AP3B1: variants seen among roughly 807,000 people sequenced by gnomAD.
AP3B1 encodes AP-3 complex subunit beta-1.
Under a neutral mutation model 132.5 loss-of-function variants are expected in AP3B1, and 61 were observed. The ratio of observed to expected loss-of-function variants is 0.46; its 90% CI spans 0.37 to 0.57. AP3B1 has a LOEUF of 0.57. AP3B1 is among the 20% of genes least tolerant of loss of function. AP3B1 has a pLI of 0.00. For synonymous variants in AP3B1, 388 were observed against 438.3 expected, an observed-to-expected ratio of 0.89 and a Z score of 1.43; for missense variants, 1,120 against 1,289.4, an observed-to-expected ratio of 0.87 and a Z score of 2.01.
At chr5:78,134,570 C>G (rs532226421) in intron 15 of AP3B1, among the ~76,000 whole-genome samples, 3 of 152,062 alleles carry the variant, frequency 2.0e-5, no homozygotes, top group Non-Finnish European at 4.4e-5. Flanking sequence ...GATGGAGTTT[C>G]GCTCTGGTTG....
intron 1 of AP3B1, 65 bp downstream of exon 1, chr5:78,294,387 G>A (rs1580606809): frequency 6.2e-7 from 1 of 1,610,172 alleles, no homozygotes; most frequent in East Asian, 2.2e-5. Flanking sequence ...GCCCACCCTG[G>A]CGCCCACTCC....
chr5:78,168,026 A>T (rs1252480795), intron 11 of AP3B1, among the ~76,000 whole-genome samples: 3 of 151,444 alleles, frequency 2.0e-5, no homozygotes, highest in African/African-American at 4.8e-5. Flanking sequence ...AAAAAAAAAA[A>T]AACAAAAAAA....
Position 78,294,665 on chromosome 5 carries a change from G to C in AP3B1, c.-86C>G, listed in dbSNP as rs1245671773. On this transcript the variant is annotated 5_prime_UTR_variant, in exon 1 of 27. Coordinates refer to ENST00000255194, the MANE Select transcript of AP3B1 (RefSeq NM_003664.5). ...GTCCAGAGGGCACGGAACAAAACTA[G>C]TTCTCGTACGGAGGAGCGCGCGCAG... The C allele has an allele frequency of 1.9e-6, 3 of 1,599,702 alleles. No individual in the cohort carries two copies. Among genetic ancestry groups the C allele is most frequent in the Non-Finnish European group, 2.6e-6 (3 of 1,174,396 alleles).
intron 1 of AP3B1, among the ~76,000 whole-genome samples, chr5:78,280,290 C>T (rs761079809): frequency 6.6e-6 from 1 of 152,080 alleles, no homozygotes; most frequent in Non-Finnish European, 1.5e-5. Flanking sequence ...TCTAAAACAT[C>T]TGTGATACAC....
intron 2 of AP3B1, among the ~76,000 whole-genome samples, chr5:78,258,585 T>C (rs567962847): frequency 2.1e-4 from 32 of 152,286 alleles, no homozygotes; most frequent in African/African-American, 7.0e-4. Context: ...CTGCACACTG[T>C]TGGTGGGAAT....
chr5:78,229,579 A>C (rs557367211), intron 3 of AP3B1, among the ~76,000 whole-genome samples: 56 of 151,196 alleles, frequency 3.7e-4, no homozygotes, highest in East Asian at 2.1e-3. Flanking sequence ...GTAAAACAAA[A>C]AAAAAAAAAA....
At chr5:78,134,596 A>G (rs1354776451) in intron 15 of AP3B1, among the ~76,000 whole-genome samples, 1 of 152,162 alleles carries the variant, frequency 6.6e-6, no homozygotes, top group Non-Finnish European at 1.5e-5. Flanking sequence ...GCTGGAGTGC[A>G]ATGGCGCGAT....
At chr5:78,178,974 T>C (rs1282151847) in intron 8 of AP3B1, among the ~76,000 whole-genome samples, 2 of 152,236 alleles carry the variant, frequency 1.3e-5, no homozygotes, top group African/African-American at 4.8e-5. Flanking sequence ...CCATTTCTTG[T>C]ACTTTCTTAC....
In AP3B1 at chr5:78,046,363, C is replaced by T. The variant is rs558239754; in HGVS notation, c.2578-7089G>A. Among the ~76,000 whole-genome samples, 111 of 152,308 alleles carry T rather than the reference C, an allele frequency of 7.3e-4. 1 individual carries two copies. Among genetic ancestry groups the T allele is most frequent in the African/African-American group, 2.5e-3 (102 of 41,562 alleles). ...CAGCACGCCCCTTATGAGCATCTAA[C>T]GCCTGCCTGATAATCTGAGGTGGAA... On this transcript the variant is annotated intron_variant, in intron 22 of 26. Transcript: ENST00000255194.
At chr5:78,063,233 T>C (rs1348149767) in intron 22 of AP3B1, among the ~76,000 whole-genome samples, 1 of 152,188 alleles carries the variant, frequency 6.6e-6, no homozygotes, top group East Asian at 1.9e-4. Flanking sequence ...ATAAAGATCA[T>C]TTCATCAAGT....
chr5:78,284,077 T>C (rs751092027), intron 1 of AP3B1, among the ~76,000 whole-genome samples: 2 of 152,220 alleles, frequency 1.3e-5, no homozygotes, highest in Admixed American at 6.5e-5. Context: ...CAGTATCCAA[T>C]AGAATGTTCT....
At chr5:78,058,212 C>T (rs1330312700) in intron 22 of AP3B1, among the ~76,000 whole-genome samples, 2 of 152,110 alleles carry the variant, frequency 1.3e-5, no homozygotes, top group Admixed American at 6.5e-5. Flanking sequence ...CTGAGAAGTG[C>T]TATTATAGGC....
At chr5:78,196,333 T>C (rs1253650986) in intron 7 of AP3B1, among the ~76,000 whole-genome samples, 1 of 152,144 alleles carries the variant, frequency 6.6e-6, no homozygotes, top group Non-Finnish European at 1.5e-5. Context: ...CTATAACACA[T>C]TTATTAGAAT....
intron 18 of AP3B1, 142 bp from the exon 19 acceptor site, chr5:78,114,065 C>G (rs1182442607): frequency 1.5e-5 from 14 of 914,112 alleles, no homozygotes; most frequent in Non-Finnish European, 2.3e-5. Context: ...CATTTTATTC[C>G]CACACCCCAT....
At chr5:78,179,505 G>A (rs1467039904) in intron 8 of AP3B1, among the ~76,000 whole-genome samples, 2 of 152,062 alleles carry the variant, frequency 1.3e-5, no homozygotes, top group Admixed American at 6.6e-5. Flanking sequence ...TAAACGCCAT[G>A]AAAAAAGTTC....
At position 78,106,965 on chromosome 5, in the gene AP3B1, C is replaced by A. The variant is rs141739507; in HGVS notation, c.2397+3242G>T. On this transcript the variant is annotated intron_variant, in intron 20 of 26. Coordinates refer to ENST00000255194, the MANE Select transcript of AP3B1 (RefSeq NM_003664.5). ...TTAATGTAAAGACTGAAAGATGTTA[C>A]CATGGAAGTAATTAATATAAATGTT... Among the ~76,000 whole-genome samples the A allele has an allele frequency of 2.6e-5, 4 of 151,888 alleles. No individual in the cohort carries two copies. The East Asian group carries it at 7.7e-4, about 29-fold the overall frequency.
intron 24 of AP3B1, among the ~76,000 whole-genome samples, chr5:78,033,581 G>A (rs547979317): frequency 2.6e-5 from 4 of 152,040 alleles, no homozygotes; most frequent in African/African-American, 9.6e-5. Context: ...TAGGTAAAAT[G>A]TCTCAATTCT....
chr5:78,284,167 G>A (rs1053918876), intron 1 of AP3B1, among the ~76,000 whole-genome samples: 1 of 152,164 alleles, frequency 6.6e-6, no homozygotes, highest in Non-Finnish European at 1.5e-5. Flanking sequence ...AATGTGACTA[G>A]AGTGGTGGAG....
chr5:78,095,670 T>C (rs1750740133), intron 21 of AP3B1, among the ~76,000 whole-genome samples: 1 of 152,234 alleles, frequency 6.6e-6, no homozygotes, highest in Non-Finnish European at 1.5e-5. Flanking sequence ...ATTTGTCCTG[T>C]TATCTGTGTC....
Sources: allele counts gnomAD v4.1 joint callset (sites outside exome capture counted in the v4.1 genomes callset), GRCh38; gene constraint gnomAD v4.1.1; transcripts MANE v1.5; gene names NCBI Gene and HGNC (gene_info 2026-07-23, HGNC 2026-07-21).